The following KMT2A variants were observed in gnomAD, a reference collection of about 807,000 sequenced individuals.
The protein encoded by KMT2A is lysine methyltransferase 2A, also known as histone-lysine N-methyltransferase 2A.
In KMT2A, 16 loss-of-function variants were observed where a neutral mutation model predicts 345.3. The ratio of observed to expected loss-of-function variants is 0.05; its 90% CI spans 0.03 to 0.07. The LOEUF (loss-of-function observed/expected upper bound fraction) is 0.07. Ranked by LOEUF, KMT2A falls within the 10% of genes least tolerant of loss-of-function variation. KMT2A has a pLI of 1.00. For missense variants in KMT2A, 3,272 were observed against 4,841.6 expected, an observed-to-expected ratio of 0.68 and a Z score of 9.62; for synonymous variants, 1,599 against 1,778.6, an observed-to-expected ratio of 0.90 and a Z score of 2.54.
At chr11:118,506,706 G>C (rs910825331) in intron 27 of KMT2A, 60 bp downstream of exon 27, 2 of 1,484,418 alleles carry the variant, frequency 1.3e-6, no homozygotes, top group African/African-American at 2.8e-5. Context: ...TAAATTAGGG[G>C]CTGTTGATGT....
chr11:118,451,785 C>T (rs1336267719), intron 1 of KMT2A, among the ~76,000 whole-genome samples: 1 of 151,930 alleles, frequency 6.6e-6, no homozygotes, highest in Admixed American at 6.6e-5. Flanking sequence ...ACCCACCATG[C>T]CCAGCCTCTC....
Position 118,462,875 on chromosome 11 carries a change from T to C in KMT2A, c.433-5900T>C, listed in dbSNP as rs532377501. ...CTGCACCCGGCCTGACTACTTATTT[T>C]TTATTTCCTTATTCCAAGTACAAGA... On this transcript the variant is annotated intron_variant, in intron 1 of 35. Transcript: ENST00000534358. 1.5e-4 allele frequency among the ~76,000 whole-genome samples: 23 copies of C among 151,164 alleles called. No homozygotes were observed. In the South Asian group the frequency reaches 4.4e-3, roughly 29 times the overall value.
At position 118,497,906 on chromosome 11, in the gene KMT2A, T is replaced by C. The variant is rs782583649; in HGVS notation, c.5665-30T>C. 4.4e-6 allele frequency: 7 copies of C among 1,581,770 alleles called. No homozygotes were observed. The South Asian group carries it at 5.6e-5, about 13-fold the overall frequency. ...AAACCTCCTTTGGCATTATATTCTT[T>C]AGGAAAAAAGAAATCTCTTTATTTT... On this transcript the variant is annotated intron_variant, in intron 20 of 35. Transcript: ENST00000534358. This position sits in a 1 kb window ranked among gnomAD's most constrained non-coding sequence, Gnocchi z 4.8.
At chr11:118,477,095 T>C (rs1950050887) in intron 4 of KMT2A, 113 bp downstream of exon 4, 6 of 957,218 alleles carry the variant, frequency 6.3e-6, no homozygotes, top group Non-Finnish European at 9.7e-6. Context: ...GAAAAACAGA[T>C]GGCAAGAGGG....
chr11:118,462,360 A>C (rs1949761589), intron 1 of KMT2A, among the ~76,000 whole-genome samples: 1 of 151,888 alleles, frequency 6.6e-6, no homozygotes, highest in South Asian at 2.1e-4. Context: ...GGGCTCTTAC[A>C]TAGGCTTGGA....
At chr11:118,488,492 G>T (rs1002476015) in intron 10 of KMT2A, 122 bp from the exon 11 acceptor site, 1 of 932,170 alleles carries the variant, frequency 1.1e-6, no homozygotes, top group Admixed American at 1.8e-5. Context: ...TAATGAATAT[G>T]TATTGAATTA....
intron 1 of KMT2A, among the ~76,000 whole-genome samples, chr11:118,446,040 G>T (rs1351696426): frequency 2.0e-5 from 3 of 151,952 alleles, no homozygotes; most frequent in African/African-American, 7.3e-5. Context: ...GTACAGTTTT[G>T]CTGTACTCTC....
At position 118,474,020 on chromosome 11, in the gene KMT2A, C is replaced by T; in HGVS notation, c.2861C>T (p.Thr954Ile). 1 of 1,613,768 alleles carries T rather than the reference C, an allele frequency of 6.2e-7. No homozygotes were observed. ...ACTTCTGTGACTCTTGGGGATACAA[C>T]AGCTGTCAAAACCAAAATACTTATA... ...DITSVTLGDT[T>I]AVKTKILIKK... Residue 954 changes from threonine to isoleucine, a missense_variant, in exon 3 of 36, where the codon ACA becomes ATA. Thr to Ile is a moderately conservative substitution (Grantham distance 89). Coordinates refer to ENST00000534358, the MANE Select transcript of KMT2A (RefSeq NM_001197104.2).
intron 1 of KMT2A, among the ~76,000 whole-genome samples, chr11:118,459,785 C>T (rs781984702): frequency 6.5e-5 from 9 of 138,998 alleles, no homozygotes; most frequent in Admixed American, 5.9e-4. Flanking sequence ...GCCCCGGGTT[C>T]AAGCAATTCT....
At chr11:118,480,320 CTT>C in intron 6 of KMT2A, 82 bp downstream of exon 6, 10 of 966,702 alleles carry the variant, frequency 1.0e-5, no homozygotes, top group South Asian at 3.1e-5. Context: ...GAAGAGAATA[CTT>C]TTTTTTTTAA....
Position 118,505,989 on chromosome 11 carries a change from C to A in KMT2A, c.10097C>A (p.Thr3366Asn). 6.2e-7 allele frequency: 1 copy of A among 1,614,188 alleles called. No homozygotes were observed. The highest frequency in any genetic ancestry group is 8.5e-7 in the Non-Finnish European group (1 of 1,180,034). Residue 3366 changes from threonine (T) to asparagine (N), a missense_variant, in exon 27 of 36, where the codon ACC (threonine) becomes AAC (asparagine). This residue lies in a region of KMT2A where 748 missense variants were observed against 922.2 expected (regional missense o/e 0.81). Coordinates refer to ENST00000534358, the MANE Select transcript of KMT2A (RefSeq NM_001197104.2). The surrounding 1 kb of genome is among the most constrained non-coding windows in gnomAD (Gnocchi z 4.6). Reference protein sequence around the residue: ...TSSASVPGHVTLTNPRLLGTP... With the variant: ...TSSASVPGHVNLTNPRLLGTP... ...AGTGCGTCAGTTCCAGGACACGTCA[C>A]CTTAACCAACCCAAGGTTGCTTGGT... is the stretch of plus-strand genomic sequence containing the variant.
In KMT2A at chr11:118,497,623, C is replaced by G. The variant is rs9332826; in HGVS notation, c.5665-313C>G. On this transcript the variant is annotated intron_variant, in intron 20 of 35. Coordinates refer to ENST00000534358, the MANE Select transcript of KMT2A (RefSeq NM_001197104.2). This position sits in a 1 kb window ranked among gnomAD's most constrained non-coding sequence, Gnocchi z 4.8. ...ATGTTGCCCAGGCTGGTCTCAAACT[C>G]TTGGGCTCAAGCGATCCTACCACTT... 0.017 allele frequency among the ~76,000 whole-genome samples: 2,630 copies of G among 152,234 alleles called. 39 individuals carry two copies. The highest frequency in any genetic ancestry group is 0.034 in the Middle Eastern group (10 of 294).
intron 24 of KMT2A, 24 bp from the exon 25 acceptor site, chr11:118,500,963 A>G (rs1351700696): frequency 6.3e-7 from 1 of 1,593,750 alleles, no homozygotes; most frequent in Non-Finnish European, 8.6e-7. Context: ...CCTTATGATG[A>G]TTTTCCCAAA....
chr11:118,513,140 A>G (rs997781394), intron 31 of KMT2A, among the ~76,000 whole-genome samples: 1 of 152,168 alleles, frequency 6.6e-6, no homozygotes, highest in Admixed American at 6.6e-5. Context: ...GCTACTCTGG[A>G]GGCTGAGGCA....
Position 118,484,927 on chromosome 11 carries a change from A to C in KMT2A, c.4284A>C (p.Ile1428=), listed in dbSNP as rs9332801. The part of the protein sequence containing the change: ...GGLGILTSVP[I]TPRVVCFLCA... ...TAGGAATCTTGACTTCTGTTCCTAT[A>C]ACACCCAGGGTGGTTTGCTTTCTCT... The change falls in exon 10 of 36, where the codon ATA becomes ATC. Residue 1428 remains isoleucine (I), a synonymous_variant. Transcript: ENST00000534358. This position sits in a 1 kb window ranked among gnomAD's most constrained non-coding sequence, Gnocchi z 4.1. 92,187 of 1,613,484 alleles carry C rather than the reference A, an allele frequency of 0.057. 2,973 individuals carry two copies. The highest frequency in any genetic ancestry group is 0.076 in the South Asian group (6,906 of 91,008).
chr11:118,473,518 C>T lies in KMT2A; in HGVS notation c.2359C>T (p.Leu787Phe). The change falls in exon 3 of 36, where the codon CTT becomes TTT. Residue 787 changes from leucine to phenylalanine, a missense_variant. Leu to Phe is a conservative substitution (Grantham distance 22). This residue lies in a region of KMT2A where 209 missense variants were observed against 237.4 expected (regional missense o/e 0.88). Transcript: ENST00000534358. The surrounding 1 kb of genome is among the most constrained non-coding windows in gnomAD (Gnocchi z 5.2). Reference sequence around the variant, plus strand: ...CTCGTTAAGCATTTCTGTTAGTCCTCTTGCCACTAGTGCCTTAAACCCAAC... The same window carrying T: ...CTCGTTAAGCATTTCTGTTAGTCCTTTTGCCACTAGTGCCTTAAACCCAAC... ...SSSLSISVSPLATSALNPTFT... is the reference protein window; with the variant it reads ...SSSLSISVSPFATSALNPTFT... 1.9e-6 allele frequency: 3 copies of T among 1,614,194 alleles called. No individual in the cohort carries two copies. The highest frequency in any genetic ancestry group is 2.5e-6 in the Non-Finnish European group (3 of 1,180,038).
At chr11:118,451,110 T>C (rs1196275422) in intron 1 of KMT2A, among the ~76,000 whole-genome samples, 1 of 152,116 alleles carries the variant, frequency 6.6e-6, no homozygotes, top group Non-Finnish European at 1.5e-5. Context: ...TCGAATTCAT[T>C]TATCAAAGAA....
rs1484856413 is a variant in KMT2A, at chr11:118,493,015, T to C, written c.5005-42T>C. 1 of 1,543,480 alleles carries C rather than the reference T, an allele frequency of 6.5e-7. No individual in the cohort carries two copies. The highest frequency in any genetic ancestry group is 1.4e-5 in the African/African-American group (1 of 73,068). The stretch of plus-strand genomic sequence containing the variant: ...AATAGAATTTACATGGACACCTTGG[T>C]TTTAGTGTTAGATAAAAGCAACATA... On this transcript the variant is annotated intron_variant, in intron 15 of 35. Transcript: ENST00000534358. This position sits in a 1 kb window ranked among gnomAD's most constrained non-coding sequence, Gnocchi z 5.8.
chr11:118,451,835 A>G (rs1181630051), intron 1 of KMT2A, among the ~76,000 whole-genome samples: 1 of 152,150 alleles, frequency 6.6e-6, no homozygotes, highest in African/African-American at 2.4e-5. Flanking sequence ...TAGCAGGAAT[A>G]TAAGTATTCA....
Sources: allele counts gnomAD v4.1 joint callset (sites outside exome capture counted in the v4.1 genomes callset), GRCh38; gene constraint gnomAD v4.1.1; regional missense constraint gnomAD v4.1.1; non-coding constraint Gnocchi (gnomAD v3.1); transcripts MANE v1.5; gene names NCBI Gene and HGNC (gene_info 2026-07-23, HGNC 2026-07-21).